Variants in C14orf93 observed in about 807,000 individuals in gnomAD.
The protein encoded by C14orf93 is uncharacterized protein C14orf93.
C14orf93 carries 23 observed loss-of-function variants against 44.0 expected under a neutral mutation model. The observed-to-expected ratio is 0.52, with a 90% confidence interval of 0.38 to 0.74. C14orf93 has a LOEUF of 0.74. Ranked by LOEUF, C14orf93 falls within the 30% of genes least tolerant of loss-of-function variation. The pLI is 0.00. For missense variants in C14orf93, 579 were observed against 678.9 expected (o/e 0.85, Z 1.64); for synonymous variants, 253 against 265.7 (o/e 0.95, Z 0.46).
chr14:23,003,610 A>G (rs558602095), intron 1 of C14orf93, among the ~76,000 whole-genome samples: 3 of 151,690 alleles, frequency 2.0e-5, no homozygotes, highest in African/African-American at 7.3e-5. Flanking sequence ...ACATGGTGAA[A>G]CCCTGTCTCT....
In C14orf93 at chr14:22,986,863, G is replaced by A. The variant is rs528581096; in HGVS notation, c.*352C>T. 3.6e-6 allele frequency: 1 copy of A among 277,868 alleles called. No individual in the cohort carries two copies. The highest frequency in any genetic ancestry group is 2.2e-5 in the African/African-American group (1 of 45,502). The allele number at this position is 277,868 out of a possible 1,614,324, so 17.2% of individuals were successfully genotyped here. On this transcript the variant is annotated 3_prime_UTR_variant, in exon 7 of 7. Transcript: ENST00000299088. ...GGCTGCTTCCTCAGAGCTTTGGGTG[G>A]AACTGGGCAGGGGCAGAAACAACTC...
intron 1 of C14orf93, among the ~76,000 whole-genome samples, chr14:23,003,517 C>T (rs1208374902): frequency 6.6e-6 from 1 of 151,780 alleles, no homozygotes; most frequent in Non-Finnish European, 1.5e-5. Flanking sequence ...GGGCCAGGCA[C>T]GTGGCTTACG....
chr14:23,006,787 C>T (rs1243802427), intron 1 of C14orf93: 1 of 152,302 alleles, frequency 6.6e-6, no homozygotes. Flanking sequence ...AGATCGGCGA[C>T]TGCTCAAGAG....
intron 1 of C14orf93, among the ~76,000 whole-genome samples, chr14:23,009,322 G>A (rs1173468056): frequency 6.6e-6 from 1 of 152,122 alleles, no homozygotes; most frequent in Non-Finnish European, 1.5e-5. Flanking sequence ...CATTTGGGAA[G>A]ACAACGGAAA....
In C14orf93 at chr14:22,987,696, A is replaced by G. The variant is rs559795601; in HGVS notation, c.1198-62T>C. 3.1e-5 allele frequency: 46 copies of G among 1,497,068 alleles called. No homozygotes were observed. In the African/African-American group the frequency reaches 5.7e-4, roughly 19 times the overall value. 92.7% of individuals were successfully genotyped at this position (1,497,068 alleles called of 1,614,324 possible). ...AACATTCTATGGATTAGATTTGGGG[A>G]AAAGGTTTGGTGGGGAAGGCTGTGT... On this transcript the variant is annotated intron_variant, in intron 6 of 6. Coordinates refer to ENST00000299088, the MANE Select transcript of C14orf93 (RefSeq NM_021944.4). The surrounding 1 kb of genome is among the most constrained non-coding windows in gnomAD (Gnocchi z 5.6).
intron 3 of C14orf93, among the ~76,000 whole-genome samples, chr14:22,992,465 CAAAAAAA>C (rs58974559): frequency 4.2e-5 from 3 of 71,136 alleles, no homozygotes; most frequent in Non-Finnish European, 1.0e-4. Context: ...GACTCTGTTT[CAAAAAAA>C]AAAAAAAAAG....
At chr14:22,991,465 G>A (rs368464596) in intron 3 of C14orf93, among the ~76,000 whole-genome samples, 26 of 147,018 alleles carry the variant, frequency 1.8e-4, no homozygotes, top group African/African-American at 6.5e-4. Context: ...GGCTGGTCTC[G>A]AACTCCTAAC....
At chr14:23,007,088 G>A (rs772287280) in intron 1 of C14orf93, 1 of 152,300 alleles carries the variant, frequency 6.6e-6, no homozygotes, top group Non-Finnish European at 1.5e-5. Context: ...GACTCAGCTA[G>A]GCAGAGGCGG....
chr14:23,000,123 T>A (rs2046216476), intron 1 of C14orf93: 1 of 152,166 alleles, frequency 6.6e-6, no homozygotes, highest in Non-Finnish European at 1.5e-5. Context: ...TTTGCCTGCA[T>A]GACCAGCCCC....
intron 4 of C14orf93, 63 bp downstream of exon 4, chr14:22,990,003 C>A: frequency 1.3e-6 from 2 of 1,491,240 alleles, no homozygotes; most frequent in East Asian, 2.3e-5. Context: ...TTGGAGCATC[C>A]CCCTCTACTT....
intron 1 of C14orf93, chr14:23,009,885 G>C (rs1274597541): frequency 6.6e-6 from 1 of 152,056 alleles, no homozygotes; most frequent in African/African-American, 2.4e-5. Context: ...GGCCGGAAAC[G>C]GTTGTACACG....
chr14:23,001,906 T>G (rs989577136), intron 1 of C14orf93, among the ~76,000 whole-genome samples: 1 of 141,798 alleles, frequency 7.1e-6, no homozygotes, highest in Admixed American at 7.1e-5. Context: ...CCCAGCACTT[T>G]GGGAGGCCGA....
chr14:23,003,671 C>T (rs774655999), intron 1 of C14orf93, among the ~76,000 whole-genome samples: 1 of 150,914 alleles, frequency 6.6e-6, no homozygotes, highest in African/African-American at 2.4e-5. Context: ...CATGCTGGCG[C>T]GTGCCTGTAA....
At chr14:22,992,149 T>C (rs2139491190) in intron 3 of C14orf93, among the ~76,000 whole-genome samples, 1 of 152,304 alleles carries the variant, frequency 6.6e-6, no homozygotes, top group East Asian at 1.9e-4. Context: ...GCTTATTCTA[T>C]TGTTGAACAT....
At chr14:22,988,858 CAGG>C (rs2045407886) in intron 5 of C14orf93, among the ~76,000 whole-genome samples, 1 of 152,118 alleles carries the variant, frequency 6.6e-6, no homozygotes, top group African/African-American at 2.4e-5. Context: ...CCTGCTGAGG[CAGG>C]AGGATTGCTT....
rs1394573915 is a variant in C14orf93, at chr14:22,998,468, A to AC, written c.555dup (p.Cys186ValfsTer18). Reference sequence around the variant, plus strand: ...GCCGCCTCGCTGGCAGCCAGCGTGCACCCTGGGAGCCGCATGTCCCTCTGA... The same window carrying AC: ...GCCGCCTCGCTGGCAGCCAGCGTGCACCCCTGGGAGCCGCATGTCCCTCTGA... On this transcript the variant is annotated frameshift_variant, in exon 2 of 7. Transcript: ENST00000299088. LOFTEE classifies it high-confidence loss of function. The AC allele has an allele frequency of 6.2e-7, 1 of 1,605,570 alleles. No homozygotes were observed. The highest frequency in any genetic ancestry group is 1.1e-5 in the South Asian group (1 of 90,340).
rs147890128 is a variant in C14orf93 at position 22,998,958 on chromosome 14, G to A, written c.66C>T (p.Cys22=). The change falls in exon 2 of 7, where the codon TGC becomes TGT. Residue 22 remains cysteine, a synonymous_variant. Coordinates refer to ENST00000299088, the MANE Select transcript of C14orf93 (RefSeq NM_021944.4). ...CTCCATTAGTCTCACTCTTACAGGC[G>A]CAGCAGCAGCATCTGGCCTCGCTGC... ...PSGSEARCCC[C]ACKSETNGGN... is the part of the protein sequence containing the mutation. 138 of 1,613,442 alleles carry A rather than the reference G, an allele frequency of 8.6e-5. No individual in the cohort carries two copies. The highest frequency in any genetic ancestry group is 3.3e-4 in the African/African-American group (25 of 74,916).
chr14:23,006,632 T>A (rs184613417), intron 1 of C14orf93: 1 of 152,344 alleles, frequency 6.6e-6, no homozygotes, highest in East Asian at 1.9e-4. Context: ...CTCCTAGAAC[T>A]CGTGCCAGCG....
At chr14:23,002,439 G>A (rs1299157275) in intron 1 of C14orf93, among the ~76,000 whole-genome samples, 5 of 137,514 alleles carry the variant, frequency 3.6e-5, no homozygotes, top group East Asian at 2.0e-4. Flanking sequence ...GTGATGGAAC[G>A]AGACTCCATC....
Sources: allele counts gnomAD v4.1 joint callset (sites outside exome capture counted in the v4.1 genomes callset), GRCh38; gene constraint gnomAD v4.1.1; non-coding constraint Gnocchi (gnomAD v3.1); transcripts MANE v1.5; gene names NCBI Gene and HGNC (gene_info 2026-07-23, HGNC 2026-07-21).